Variants in SHOC2 observed in about 807,000 individuals in gnomAD.
The protein encoded by SHOC2 is SHOC2 leucine rich repeat scaffold protein, also known as leucine-rich repeat protein SHOC-2.
A neutral mutation model predicts 50.2 loss-of-function variants in SHOC2; 4 were observed. The ratio of observed to expected loss-of-function variants is 0.08; its 90% confidence interval spans 0.04 to 0.18. The LOEUF (loss-of-function observed/expected upper bound fraction) is 0.18. Among genes scored for constraint, SHOC2 ranks in the 10% least tolerant of loss-of-function variants. The pLI is 1.00. For synonymous variants in SHOC2, 218 were observed against 244.5 expected (o/e 0.89, Z 1.01); for missense variants, 388 against 669.6 (o/e 0.58, Z 4.64).
chr10:110,962,576 T>A (rs1847592667), intron 1 of SHOC2, among the ~76,000 whole-genome samples: 1 of 152,190 alleles, frequency 6.6e-6, no homozygotes, highest in Non-Finnish European at 1.5e-5. Flanking sequence ...GTAAAGTTCA[T>A]ACTGTGCAGT....
At chr10:110,922,675 C>A (rs1184535751) in intron 1 of SHOC2, among the ~76,000 whole-genome samples, 2 of 151,944 alleles carry the variant, frequency 1.3e-5, no homozygotes, top group African/African-American at 4.8e-5. Flanking sequence ...TTTTAAAAAA[C>A]CCCAAACAAT....
intron 2 of SHOC2, among the ~76,000 whole-genome samples, chr10:110,981,317 A>C (rs1847972329): frequency 6.6e-6 from 1 of 152,198 alleles, no homozygotes; most frequent in Non-Finnish European, 1.5e-5. Flanking sequence ...GAAAAAGAGA[A>C]TGTACATATC....
Position 111,013,288 on chromosome 10 carries a change from C to A in SHOC2, c.*1470C>A, listed in dbSNP as rs1848601767. ...AATTAATCACTATTTTGTATAATTA[C>A]ATATTGCTGCTTGTGTGTTTTTTTT... On this transcript the variant is annotated 3_prime_UTR_variant, in exon 9 of 9. Transcript: ENST00000369452. 1 of 149,770 alleles carries A rather than the reference C, an allele frequency of 6.7e-6. No homozygotes were observed. The highest frequency in any genetic ancestry group is 2.1e-4 in the South Asian group (1 of 4,792). The allele number at this position is 149,770 out of a possible 1,614,324, so 9.3% of individuals were successfully genotyped here. A position where few individuals can be genotyped will look rare whatever the true frequency, so the allele number is the denominator to read the frequency against.
In SHOC2 at chr10:110,964,817, A is replaced by G; in HGVS notation, c.459A>G (p.Leu153=). ...GCLVNLMTLA[L]SENSLTSLPD... ...TAGTAAATCTCATGACACTGGCTCT[A>G]AGTGAAAATTCACTTACCAGTTTGC... Residue 153 remains leucine (L), a synonymous_variant, in exon 2 of 9, where the codon CTA becomes CTG. Transcript: ENST00000369452. The surrounding 1 kb of genome is among the most constrained non-coding windows in gnomAD (Gnocchi z 4.9). 6.2e-7 allele frequency: 1 copy of G among 1,614,110 alleles called. No individual in the cohort carries two copies. The highest frequency in any genetic ancestry group is 1.3e-5 in the African/African-American group (1 of 75,040).
chr10:111,007,442 A>T, intron 5 of SHOC2, 89 bp from the exon 6 acceptor site: 1 of 1,401,948 alleles, frequency 7.1e-7, no homozygotes, highest in Non-Finnish European at 1.0e-6. Flanking sequence ...GATTTTGTTT[A>T]ATTAAGAATT....
upstream of SHOC2, chr10:110,919,420 T>C (rs1846551379): frequency 1.3e-5 from 5 of 386,438 alleles, no homozygotes; most frequent in South Asian, 2.9e-4. Context: ...CCGTCTCTGA[T>C]TGGGCAGCTT....
chr10:110,972,208 ATTT>A (rs1468381112), intron 2 of SHOC2, among the ~76,000 whole-genome samples: 1 of 151,526 alleles, frequency 6.6e-6, no homozygotes. Flanking sequence ...TATATACTTT[ATTT>A]TAGTACAGCA....
chr10:110,999,882 A>G (rs936346168), intron 3 of SHOC2, among the ~76,000 whole-genome samples: 4 of 151,798 alleles, frequency 2.6e-5, no homozygotes, highest in African/African-American at 9.7e-5. Flanking sequence ...AGTTTTGGGG[A>G]GGGGGTTGAG....
intron 6 of SHOC2, among the ~76,000 whole-genome samples, chr10:111,008,723 G>A (rs898288855): frequency 3.9e-5 from 6 of 152,026 alleles, no homozygotes; most frequent in African/African-American, 1.4e-4. Context: ...TTTACCTATT[G>A]CTCTTTCTCC....
intron 1 of SHOC2, among the ~76,000 whole-genome samples, chr10:110,924,899 G>A (rs1052826140): frequency 2.6e-5 from 4 of 151,562 alleles, no homozygotes; most frequent in African/African-American, 7.3e-5. Context: ...GCGAAACCCC[G>A]TCTCTACTAA....
At chr10:110,947,333 G>A (rs1197481990) in intron 1 of SHOC2, among the ~76,000 whole-genome samples, 1 of 152,228 alleles carries the variant, frequency 6.6e-6, no homozygotes, top group African/African-American at 2.4e-5. Flanking sequence ...AAGTCAGGCA[G>A]CAAGCCTGCT....
chr10:110,956,197 T>C (rs1847458684), intron 1 of SHOC2, among the ~76,000 whole-genome samples: 1 of 152,120 alleles, frequency 6.6e-6, no homozygotes, highest in Admixed American at 6.5e-5. Flanking sequence ...CATGTCTTTT[T>C]TTTTTTGAGA....
chr10:110,964,626 G>C lies in SHOC2; in HGVS notation c.268G>C (p.Val90Leu). Reference protein sequence around the residue: ...GTRKKSSNAEVIKELNKCREE... With the variant: ...GTRKKSSNAELIKELNKCREE... ...TAGAAAAAAATCCAGCAATGCAGAG[G>C]TGATTAAAGAGCTCAACAAATGCCG... The change falls in exon 2 of 9, where the codon GTG becomes CTG. Residue 90 changes from valine to leucine, a missense_variant. Physicochemically the swap from Val to Leu is conservative, Grantham distance 32. Transcript: ENST00000369452. This position sits in a 1 kb window ranked among gnomAD's most constrained non-coding sequence, Gnocchi z 4.9. The C allele has an allele frequency of 6.2e-7, 1 of 1,614,090 alleles. No homozygotes were observed. Among genetic ancestry groups the C allele is most frequent in the Non-Finnish European group, 8.5e-7 (1 of 1,179,984 alleles).
intron 3 of SHOC2, among the ~76,000 whole-genome samples, chr10:110,987,680 C>T (rs748846477): frequency 1.3e-5 from 2 of 151,610 alleles, no homozygotes; most frequent in Non-Finnish European, 1.5e-5. Flanking sequence ...TTTTTTTTCT[C>T]TTTAAAATCT....
In SHOC2 at chr10:111,007,577, G is replaced by T. The variant is rs1487427017; in HGVS notation, c.1208G>T (p.Ser403Ile). Reference sequence around the variant, plus strand: ...CCCTTGGATTTTGGAACTTGGACCAGTATGGTAGAATTGAATTTAGCCACT... The same window carrying T: ...CCCTTGGATTTTGGAACTTGGACCATTATGGTAGAATTGAATTTAGCCACT... ...SLPLDFGTWT[S>I]MVELNLATNQ... The change falls in exon 6 of 9, where the codon AGT becomes ATT. Residue 403 changes from serine (S) to isoleucine (I), a missense_variant. Around this residue, in one of 5 missense-constraint regions of SHOC2, gnomAD observed 130 missense variants for 208.6 expected, o/e 0.62. Coordinates refer to ENST00000369452, the MANE Select transcript of SHOC2 (RefSeq NM_007373.4). 6.2e-7 allele frequency: 1 copy of T among 1,613,714 alleles called. No homozygotes were observed. The highest frequency in any genetic ancestry group is 1.1e-5 in the South Asian group (1 of 91,068).
chr10:110,935,686 TTATGG>T (rs1846992818), intron 1 of SHOC2, among the ~76,000 whole-genome samples: 1 of 152,200 alleles, frequency 6.6e-6, no homozygotes, highest in Non-Finnish European at 1.5e-5. Flanking sequence ...TATTATATCA[TTATGG>T]TTATAGCCTC....
In SHOC2 at chr10:110,964,524, G is replaced by T. The variant is rs1314343739; in HGVS notation, c.166G>T (p.Asp56Tyr). Residue 56 changes from aspartate to tyrosine, a missense_variant, in exon 2 of 9, where the codon GAC becomes TAC. By Grantham distance (160) the Asp-to-Tyr change is radical. This residue lies in a region of SHOC2 where 121 missense variants were observed against 145.5 expected (regional missense o/e 0.83). Coordinates refer to ENST00000369452, the MANE Select transcript of SHOC2 (RefSeq NM_007373.4). The surrounding 1 kb of genome is among the most constrained non-coding windows in gnomAD (Gnocchi z 4.9). ...GAAAGATGCCAAAGATGGAAAGAAG[G>T]ACTCCAGTGCTGCCCAACCAGGGGT... Reference protein sequence around the residue: ...KGKDAKDGKKDSSAAQPGVAF... With the variant: ...KGKDAKDGKKYSSAAQPGVAF... 1 of 1,613,922 alleles carries T rather than the reference G, an allele frequency of 6.2e-7. No individual in the cohort carries two copies. Among genetic ancestry groups the T allele is most frequent in the Non-Finnish European group, 8.5e-7 (1 of 1,179,994 alleles).
At chr10:110,924,388 A>C (rs1028709463) in intron 1 of SHOC2, among the ~76,000 whole-genome samples, 2 of 152,210 alleles carry the variant, frequency 1.3e-5, no homozygotes, top group Non-Finnish European at 2.9e-5. Flanking sequence ...ACTGGAGGAC[A>C]GGACTGGAAT....
intron 2 of SHOC2, among the ~76,000 whole-genome samples, chr10:110,981,870 ATTT>A (rs1322845876): frequency 4.1e-3 from 22 of 5,432 alleles, no homozygotes; most frequent in South Asian, 0.019. Context: ...TTATTTATTT[ATTT>A]TTTTAAGTTT....
Sources: allele counts gnomAD v4.1 joint callset (sites outside exome capture counted in the v4.1 genomes callset), GRCh38; gene constraint gnomAD v4.1.1; regional missense constraint gnomAD v4.1.1; non-coding constraint Gnocchi (gnomAD v3.1); transcripts MANE v1.5; gene names NCBI Gene and HGNC (gene_info 2026-07-23, HGNC 2026-07-21).